The following CSMD3 variants were observed in gnomAD, a reference collection of about 807,000 sequenced individuals.
CSMD3 encodes the protein CUB and Sushi multiple domains 3, also known as CUB and sushi domain-containing protein 3.
A neutral mutation model predicts 435.2 loss-of-function variants in CSMD3; 177 were observed. The observed-to-expected ratio is 0.41, with a 90% CI of 0.36 to 0.46. The LOEUF (loss-of-function observed/expected upper bound fraction) is 0.46. Among genes scored for constraint, CSMD3 ranks in the 20% least tolerant of loss-of-function variants. The probability of loss-of-function intolerance (pLI) is 0.34; values close to 1 mark genes in which losing one functional copy is unlikely to be tolerated. For missense variants in CSMD3, 4,265 were observed against 4,504.6 expected (o/e 0.95, Z 1.52); for synonymous variants, 1,656 against 1,520.5 (o/e 1.09, Z -2.07).
intron 10 of CSMD3, among the ~76,000 whole-genome samples, chr8:112,915,451 C>A (rs138070712): frequency 6.6e-6 from 1 of 151,624 alleles, no homozygotes; most frequent in African/African-American, 2.4e-5. Context: ...AGAATTGTTA[C>A]TAATACATTT....
chr8:113,272,405 C>G (rs1241634513), intron 3 of CSMD3, among the ~76,000 whole-genome samples: 1 of 152,112 alleles, frequency 6.6e-6, no homozygotes, highest in Non-Finnish European at 1.5e-5. Flanking sequence ...AGCAGTTTCC[C>G]CCATACTGTT....
chr8:112,770,701 T>C (rs1042311733), intron 13 of CSMD3, among the ~76,000 whole-genome samples: 3 of 151,988 alleles, frequency 2.0e-5, no homozygotes, highest in African/African-American at 7.2e-5. Context: ...ACTAAAAATA[T>C]TGATTTAAAT....
chr8:112,996,823 T>C (rs1198813429), intron 6 of CSMD3, among the ~76,000 whole-genome samples: 2 of 151,648 alleles, frequency 1.3e-5, no homozygotes, highest in Non-Finnish European at 3.0e-5. Context: ...ATCAATATAT[T>C]AGTATTTCTG....
At position 112,492,513 on chromosome 8, in the gene CSMD3, T is replaced by C; in HGVS notation, c.5254A>G (p.Asn1752Asp). ...CCATGACAACTTGGCAAGGCTCTAT[T>C]CCATCCAGGTCTTCCATCATCTCCC... is the stretch of plus-strand genomic sequence containing the variant. The part of the protein sequence containing the change: ...IMGDDGRPGW[N>D]RALPSCHAPC... Residue 1752 changes from asparagine (N) to aspartate (D), a missense_variant, in exon 31 of 71, where the codon AAT becomes GAT. Asn to Asp is a conservative substitution (Grantham distance 23, BLOSUM62 1). Transcript: ENST00000297405. The C allele has an allele frequency of 6.2e-7, 1 of 1,613,976 alleles. No individual in the cohort carries two copies. The highest frequency in any genetic ancestry group is 8.5e-7 in the Non-Finnish European group (1 of 1,179,874).
intron 4 of CSMD3, among the ~76,000 whole-genome samples, chr8:113,170,279 C>A (rs1249572026): frequency 3.0e-5 from 3 of 98,766 alleles, no homozygotes; most frequent in Admixed American, 1.2e-4. Context: ...GTACTCCATT[C>A]TTTAAGTTTT....
At chr8:112,535,592 G>T (rs183414549) in intron 27 of CSMD3, among the ~76,000 whole-genome samples, 46 of 149,246 alleles carry the variant, frequency 3.1e-4, no homozygotes, top group East Asian at 7.9e-4. Flanking sequence ...AATGGCCATA[G>T]TGCCCAAGGT....
intron 6 of CSMD3, among the ~76,000 whole-genome samples, chr8:112,982,061 A>G (rs979508731): frequency 1.3e-5 from 2 of 151,840 alleles, no homozygotes; most frequent in Admixed American, 1.3e-4. Flanking sequence ...CTCTCAAAAG[A>G]TCGTTTCTTG....
chr8:113,305,153 G>A (rs1411972988), intron 2 of CSMD3, among the ~76,000 whole-genome samples: 5 of 143,760 alleles, frequency 3.5e-5, no homozygotes, highest in Non-Finnish European at 7.6e-5. Flanking sequence ...GACTGTTGTG[G>A]GGTTGGGGGA....
At chr8:112,491,980 A>G (rs1820748709) in intron 31 of CSMD3, among the ~76,000 whole-genome samples, 1 of 152,144 alleles carries the variant, frequency 6.6e-6, no homozygotes. Flanking sequence ...CAAGTATATG[A>G]TTTTTAAATA....
intron 3 of CSMD3, among the ~76,000 whole-genome samples, chr8:113,188,119 A>C (rs2131967313): frequency 6.6e-6 from 1 of 152,076 alleles, no homozygotes; most frequent in Admixed American, 6.6e-5. Flanking sequence ...AGGAAGCAAT[A>C]GTTTTTATTT....
intron 11 of CSMD3, among the ~76,000 whole-genome samples, chr8:112,834,267 C>T (rs967563293): frequency 6.6e-6 from 1 of 151,844 alleles, no homozygotes; most frequent in Non-Finnish European, 1.5e-5. Flanking sequence ...TGAACAGTTT[C>T]AGTGACATAC....
chr8:113,338,028 AAT>A (rs1290741116), intron 1 of CSMD3, among the ~76,000 whole-genome samples: 5 of 152,034 alleles, frequency 3.3e-5, no homozygotes, highest in Admixed American at 3.3e-4. Flanking sequence ...AGTATTAGCA[AAT>A]TATACATCTG....
At chr8:113,240,511 T>C (rs1280755488) in intron 3 of CSMD3, among the ~76,000 whole-genome samples, 1 of 152,130 alleles carries the variant, frequency 6.6e-6, no homozygotes, top group Non-Finnish European at 1.5e-5. Flanking sequence ...ACAACCTCAC[T>C]AGGCTAAGAT....
chr8:112,789,993 G>T (rs562103867), intron 13 of CSMD3, among the ~76,000 whole-genome samples: 1 of 151,954 alleles, frequency 6.6e-6, no homozygotes, highest in Non-Finnish European at 1.5e-5. Flanking sequence ...ATTATTAAAA[G>T]TTAAGAATCA....
rs985023167 is a variant in CSMD3, at chr8:113,207,240, C to A, written c.515-33324G>T. 3.9e-5 allele frequency among the ~76,000 whole-genome samples: 6 copies of A among 152,082 alleles called. No homozygotes were observed. In the East Asian group the frequency reaches 5.8e-4, roughly 15 times the overall value. On this transcript the variant is annotated intron_variant, in intron 3 of 70. Coordinates refer to ENST00000297405, the MANE Select transcript of CSMD3 (RefSeq NM_198123.2). ...GAACATGGTGGTGGCTACCTTGGGA[C>A]CTTTATTTTTCTTATTCATATTTTT...
intron 32 of CSMD3, among the ~76,000 whole-genome samples, chr8:112,451,211 C>T (rs1368998060): frequency 1.3e-5 from 2 of 151,888 alleles, no homozygotes; most frequent in Non-Finnish European, 2.9e-5. Flanking sequence ...AGAGAAAAAG[C>T]ACAAAGGTTA....
At chr8:112,698,033 G>C (rs2076297785) in intron 13 of CSMD3, among the ~76,000 whole-genome samples, 1 of 152,046 alleles carries the variant, frequency 6.6e-6, no homozygotes, top group Admixed American at 6.6e-5. Context: ...CAGTGGCAGT[G>C]GCACCAGAGG....
At chr8:112,477,169 C>T (rs1345628999) in intron 31 of CSMD3, among the ~76,000 whole-genome samples, 1 of 152,146 alleles carries the variant, frequency 6.6e-6, no homozygotes, top group African/African-American at 2.4e-5. Context: ...TCCAGATACA[C>T]CCTCTTTCAA....
intron 60 of CSMD3, among the ~76,000 whole-genome samples, chr8:112,264,267 CTGAGTA>C (rs1816725473): frequency 1.3e-5 from 2 of 152,132 alleles, no homozygotes; most frequent in Admixed American, 1.3e-4. Flanking sequence ...GGTCATATGT[CTGAGTA>C]TAATATCCAA....
Sources: gnomAD v4.1 joint callset for allele counts (sites outside exome capture counted in the v4.1 genomes callset) on GRCh38, gnomAD v4.1.1 for gene constraint, MANE v1.5 for transcripts, NCBI Gene and HGNC (gene_info 2026-07-23, HGNC 2026-07-21) for gene names.